Variants in CLIC5 observed in about 807,000 individuals in gnomAD.
The protein encoded by CLIC5 is CLIC family member 5, also known as chloride intracellular channel protein 5.
Under a neutral mutation model 24.7 loss-of-function variants are expected in CLIC5, and 20 were observed. The ratio of observed to expected loss-of-function variants is 0.81; its 90% CI spans 0.57 to 1.18. The LOEUF (loss-of-function observed/expected upper bound fraction) is 1.18, where lower values mean the gene tolerates loss of function less well. CLIC5 is among the 50% of genes most tolerant of loss of function. The pLI is 0.00. For synonymous variants in CLIC5, 159 were observed against 135.6 expected (o/e 1.17, Z -1.20); for missense variants, 341 against 326.1 (o/e 1.05, Z -0.35).
chr6:46,075,020 C>T (rs7744030), intron 1 of CLIC5, among the ~76,000 whole-genome samples: 58,538 of 152,102 alleles, frequency 0.38, 11,543 homozygotes, highest in Middle Eastern at 0.49. Flanking sequence ...AATAAAACGT[C>T]ATTTCCTGAA....
chr6:46,011,363 G>T (rs1273962306), intron 1 of CLIC5, among the ~76,000 whole-genome samples: 1 of 152,220 alleles, frequency 6.6e-6, no homozygotes, highest in Non-Finnish European at 1.5e-5. Flanking sequence ...GAAGCTGCCT[G>T]CTATTGGACC....
intron 1 of CLIC5, among the ~76,000 whole-genome samples, chr6:45,969,805 T>C (rs1012536139): frequency 2.7e-5 from 4 of 150,190 alleles, no homozygotes; most frequent in Admixed American, 6.6e-5. Context: ...GGTTTTTTTT[T>C]TTTTTTTTTT....
At chr6:46,089,144 TACAGAATTGTGGCACTAGAAAAAGCA>T in the CLIC5 span, among the ~76,000 whole-genome samples, 2 of 152,178 alleles carry the variant, frequency 1.3e-5, no homozygotes, top group Non-Finnish European at 2.9e-5. Context: ...GAAGGCAAAT[TACAGAATTGTGGCACTAGAAAAAGCA>T]ACCATCAAGG....
chr6:45,906,464 T>C (rs1762661803), intron 5 of CLIC5, among the ~76,000 whole-genome samples: 1 of 152,206 alleles, frequency 6.6e-6, no homozygotes, highest in Non-Finnish European at 1.5e-5. Flanking sequence ...TTTATTTTAT[T>C]TTATTTTTGC....
At chr6:46,093,512 C>T in the CLIC5 span, among the ~76,000 whole-genome samples, 1 of 152,166 alleles carries the variant, frequency 6.6e-6, no homozygotes, top group Non-Finnish European at 1.5e-5. Flanking sequence ...ACATTTTGCA[C>T]ATGGCAGGTG....
At chr6:46,021,737 A>T (rs1352386358) in intron 1 of CLIC5, among the ~76,000 whole-genome samples, 1 of 152,210 alleles carries the variant, frequency 6.6e-6, no homozygotes, top group Non-Finnish European at 1.5e-5. Flanking sequence ...AAAATAAAAA[A>T]ATTATAGGGA....
chr6:45,923,429 A>C (rs2127333965), intron 4 of CLIC5, among the ~76,000 whole-genome samples: 1 of 152,370 alleles, frequency 6.6e-6, no homozygotes, highest in Non-Finnish European at 1.5e-5. Context: ...TCAAATAGCC[A>C]CATCTTTTAC....
At chr6:46,007,739 A>G (rs1458156776) in intron 1 of CLIC5, among the ~76,000 whole-genome samples, 1 of 152,100 alleles carries the variant, frequency 6.6e-6, no homozygotes, top group South Asian at 2.1e-4. Context: ...GTCAGACTGG[A>G]TGACTTCTGG....
chr6:45,904,321 C>T (rs192256289), intron 5 of CLIC5, among the ~76,000 whole-genome samples: 214 of 152,036 alleles, frequency 1.4e-3, no homozygotes, highest in Non-Finnish European at 2.0e-3. Flanking sequence ...TTCATTGAGA[C>T]CTAGCTTGTA....
chr6:46,001,854 A>T (rs1370387910), intron 1 of CLIC5, among the ~76,000 whole-genome samples: 1 of 152,226 alleles, frequency 6.6e-6, no homozygotes, highest in Non-Finnish European at 1.5e-5. Context: ...ATACTGGATT[A>T]AACAGAGTGT....
At chr6:45,896,718 A>G (rs1056170430), downstream of CLIC5, among the ~76,000 whole-genome samples, 1 of 152,184 alleles carries the variant, frequency 6.6e-6, no homozygotes, top group Non-Finnish European at 1.5e-5. Flanking sequence ...CTTCCTCAAT[A>G]CTAGGCACAG....
At chr6:46,087,859 T>C in the CLIC5 span, among the ~76,000 whole-genome samples, 1 of 152,180 alleles carries the variant, frequency 6.6e-6, no homozygotes, top group Admixed American at 6.5e-5. Context: ...TCGAAGGAAC[T>C]GGTGTTAATG....
At chr6:45,896,673 ACTTCTCTGGAAG>A (rs1231933155), downstream of CLIC5, among the ~76,000 whole-genome samples, 14 of 152,214 alleles carry the variant, frequency 9.2e-5, no homozygotes, top group African/African-American at 2.9e-4. Context: ...TTACAATGTC[ACTTCTCTGGAAG>A]CTTCTCTGGA....
intron 4 of CLIC5, among the ~76,000 whole-genome samples, chr6:45,938,976 CTG>C (rs1158084863): frequency 1.3e-5 from 2 of 152,110 alleles, no homozygotes; most frequent in Non-Finnish European, 2.9e-5. Flanking sequence ...CACAATGGCT[CTG>C]AGGGGCCATA....
chr6:46,072,080 A>G (rs997574163), intron 1 of CLIC5, among the ~76,000 whole-genome samples: 7 of 151,972 alleles, frequency 4.6e-5, no homozygotes, highest in African/African-American at 1.7e-4. Context: ...ACTGGGGCCT[A>G]TCGGAGGGTA....
chr6:45,900,187 T>C lies in CLIC5; in HGVS notation c.*2901A>G, dbSNP rs1051237643. 2.6e-5 allele frequency: 4 copies of C among 152,210 alleles called. No individual in the cohort carries two copies. Among genetic ancestry groups the C allele is most frequent in the Non-Finnish European group, 5.9e-5 (4 of 68,042 alleles). 9.4% of individuals were successfully genotyped at this position (152,210 alleles called of 1,614,324 possible). A position where few individuals can be genotyped will look rare whatever the true frequency, so the allele number is the denominator to read the frequency against. ...CTGAGTTTGACTCTTGCTTCTGCCT[T>C]CGTCTCCCACTACCCTGCTTCCCCC... On this transcript the variant is annotated 3_prime_UTR_variant, in exon 6 of 6. Transcript: ENST00000339561.
chr6:46,045,758 A>AT (rs1253480471), intron 1 of CLIC5, among the ~76,000 whole-genome samples: 2 of 152,198 alleles, frequency 1.3e-5, no homozygotes, highest in South Asian at 4.1e-4. Flanking sequence ...AATTATAAAT[A>AT]TTTTTTATTT....
At chr6:46,006,534 C>G (rs753308589) in intron 1 of CLIC5, among the ~76,000 whole-genome samples, 3 of 152,018 alleles carry the variant, frequency 2.0e-5, no homozygotes, top group Non-Finnish European at 4.4e-5. Flanking sequence ...GGGACACATC[C>G]GGGCTTGTCT....
At chr6:46,077,277 AT>A (rs1369451315) in intron 1 of CLIC5, among the ~76,000 whole-genome samples, 1 of 152,204 alleles carries the variant, frequency 6.6e-6, no homozygotes, top group East Asian at 1.9e-4. Flanking sequence ...ACAAACCTGC[AT>A]GACATTCTCA....
Sources: allele counts gnomAD v4.1 joint callset (sites outside exome capture counted in the v4.1 genomes callset), GRCh38; gene constraint gnomAD v4.1.1; transcripts MANE v1.5; gene names NCBI Gene and HGNC (gene_info 2026-07-23, HGNC 2026-07-21).